Variants in TSPEAR observed in about 807,000 individuals in gnomAD.
The protein encoded by TSPEAR is thrombospondin-type laminin G domain and EAR repeat-containing protein.
In TSPEAR, 69 loss-of-function variants were observed where a neutral mutation model predicts 71.6. The ratio of observed to expected loss-of-function variants is 0.96; its 90% confidence interval spans 0.79 to 1.18. The LOEUF is 1.18. Ranked by LOEUF, TSPEAR falls within the 50% of genes most tolerant of loss-of-function variation. The probability of loss-of-function intolerance (pLI) is 0.00; values close to 1 mark genes in which losing one functional copy is unlikely to be tolerated. For synonymous variants in TSPEAR, 402 were observed against 387.2 expected (o/e 1.04, Z -0.45); for missense variants, 971 against 894.9 (o/e 1.09, Z -1.09).
intron 2 of TSPEAR, among the ~76,000 whole-genome samples, chr21:44,534,351 GGGGCTGGTGTGTGTGGGGCA>G (rs1555916156): frequency 7.5e-5 from 7 of 93,414 alleles, no homozygotes; most frequent in East Asian, 7.4e-4. Context: ...GGTGTGGGGC[GGGGCTGGTGTGTGTGGGGCA>G]GGGCTGGTGT....
At chr21:44,515,782 G>A (rs587739908) in intron 9 of TSPEAR, 6 of 152,324 alleles carry the variant, frequency 3.9e-5, no homozygotes, top group Admixed American at 2.0e-4. Context: ...AACACCTCCC[G>A]ACTGCCTTCC....
chr21:44,506,083 A>G lies in TSPEAR; in HGVS notation c.1755-1202T>C, dbSNP rs1569149831. On this transcript the variant is annotated intron_variant, in intron 10 of 11. Transcript: ENST00000323084. The surrounding 1 kb of genome is among the most constrained non-coding windows in gnomAD (Gnocchi z 4.2). ...CGTGAGGTCACTCCAGGAGGTGCCT[A>G]CAGGACCTGCAGGACCTGCTCGTTC... Among the ~76,000 whole-genome samples, 1 of 152,172 alleles carries G rather than the reference A, an allele frequency of 6.6e-6. No individual in the cohort carries two copies. The highest frequency in any genetic ancestry group is 2.4e-5 in the African/African-American group (1 of 41,436).
At chr21:44,705,044 A>C (rs1326545705) in intron 1 of TSPEAR, among the ~76,000 whole-genome samples, 1 of 152,214 alleles carries the variant, frequency 6.6e-6, no homozygotes, top group Non-Finnish European at 1.5e-5. Context: ...CAGGGACCCC[A>C]AACAGAGAGA....
At chr21:44,579,693 C>G in intron 1 of TSPEAR, 2 of 1,554,188 alleles carry the variant, frequency 1.3e-6, no homozygotes, top group South Asian at 2.4e-5. Flanking sequence ...ACCTCCTAAC[C>G]CGAGTCAGGA....
intron 2 of TSPEAR, among the ~76,000 whole-genome samples, chr21:44,561,552 C>T (rs2071135395): frequency 6.6e-6 from 1 of 152,150 alleles, no homozygotes; most frequent in Admixed American, 6.5e-5. Context: ...GGCCAATATC[C>T]CTGATGAACA....
At chr21:44,668,871 A>G (rs1321972486) in intron 1 of TSPEAR, among the ~76,000 whole-genome samples, 1 of 152,244 alleles carries the variant, frequency 6.6e-6, no homozygotes, top group African/African-American at 2.4e-5. Context: ...ACCTCACACC[A>G]TATACAAAAT....
At chr21:44,620,919 T>C (rs73907074) in intron 1 of TSPEAR, among the ~76,000 whole-genome samples, 4,129 of 152,308 alleles carry the variant, frequency 0.027, 182 homozygotes, top group African/African-American at 0.094. Flanking sequence ...CTTTGACCAA[T>C]TGGTTGTTTG....
Position 44,498,306 on chromosome 21 carries a change from C to T in TSPEAR, c.*1477G>A, listed in dbSNP as rs2051966614. The T allele has an allele frequency of 6.6e-6, 1 of 152,224 alleles. No individual in the cohort carries two copies. Among genetic ancestry groups the T allele is most frequent in the African/African-American group, 2.4e-5 (1 of 41,434 alleles). 9.4% of individuals were successfully genotyped at this position (152,224 alleles called of 1,614,324 possible). On this transcript the variant is annotated 3_prime_UTR_variant, in exon 12 of 12. Coordinates refer to ENST00000323084, the MANE Select transcript of TSPEAR (RefSeq NM_144991.3). ...AATCTTCCTTTCACAGGTGCTGACCCAATGAGGCCAATCATGTGTGATTGG... is the reference window on the plus strand; with the variant it reads ...AATCTTCCTTTCACAGGTGCTGACCTAATGAGGCCAATCATGTGTGATTGG...
chr21:44,702,521 C>CA lies in TSPEAR; in HGVS notation c.82+8911_82+8912insT. ...TGTTGCAAGCCCGTCTGCTGTGTGC[C>CA]TGTCTGCTCTGGGGCTTCCTCCCTG... On this transcript the variant is annotated intron_variant, in intron 1 of 11. Coordinates refer to ENST00000323084, the MANE Select transcript of TSPEAR (RefSeq NM_144991.3). 1.9e-6 allele frequency: 3 copies of CA among 1,608,258 alleles called. No individual in the cohort carries two copies. The South Asian group carries it at 3.3e-5, about 18-fold the overall frequency.
intron 1 of TSPEAR, among the ~76,000 whole-genome samples, chr21:44,570,474 A>G (rs1555922373): frequency 6.6e-6 from 1 of 152,166 alleles, no homozygotes; most frequent in Admixed American, 6.5e-5. Flanking sequence ...TCGGTGAGAC[A>G]TGGGTCCAGA....
At chr21:44,558,615 G>A (rs1468640525) in intron 2 of TSPEAR, 8 of 1,606,172 alleles carry the variant, frequency 5.0e-6, no homozygotes, top group East Asian at 2.2e-5. Context: ...GCAGCAGCTG[G>A]TGGCGCAGCA....
At position 44,695,514 on chromosome 21, in the gene TSPEAR, C is replaced by T. The variant is rs1987296287; in HGVS notation, c.82+15919G>A. Among the ~76,000 whole-genome samples the T allele has an allele frequency of 1.3e-5, 2 of 152,192 alleles. No homozygotes were observed. The highest frequency in any genetic ancestry group is 4.8e-5 in the African/African-American group (2 of 41,442). ...TCACACTCCCTCAGGGTTGCAATGA[C>T]CTCCGATCCCAAGACCCTTTTCCCA... On this transcript the variant is annotated intron_variant, in intron 1 of 11. Transcript: ENST00000323084. The surrounding 1 kb of genome is among the most constrained non-coding windows in gnomAD (Gnocchi z 4.5).
intron 1 of TSPEAR, among the ~76,000 whole-genome samples, chr21:44,653,277 G>A (rs781923085): frequency 4.6e-5 from 7 of 152,182 alleles, no homozygotes; most frequent in Non-Finnish European, 7.3e-5. Context: ...CCCCAAACCC[G>A]GATGTGATTC....
intron 1 of TSPEAR, among the ~76,000 whole-genome samples, chr21:44,645,209 TC>T (rs1984245791): frequency 6.6e-6 from 1 of 152,072 alleles, no homozygotes; most frequent in African/African-American, 2.4e-5. Context: ...ATTGAAATAA[TC>T]CAGAGTGCAG....
intron 1 of TSPEAR, among the ~76,000 whole-genome samples, chr21:44,698,738 G>A (rs1349500202): frequency 1.3e-5 from 2 of 152,210 alleles, no homozygotes; most frequent in African/African-American, 4.8e-5. Flanking sequence ...AGGCTCAGCT[G>A]CCAAACCTCT....
At chr21:44,702,284 C>T (rs183100465) in intron 1 of TSPEAR, 19 of 1,609,000 alleles carry the variant, frequency 1.2e-5, no homozygotes, top group South Asian at 3.3e-5. Flanking sequence ...TGCGAGCCCC[C>T]CTGCTGCGCC....
At chr21:44,598,517 A>G (rs971041313) in intron 1 of TSPEAR, among the ~76,000 whole-genome samples, 4 of 150,508 alleles carry the variant, frequency 2.7e-5, no homozygotes, top group Non-Finnish European at 6.0e-5. Context: ...ATTATTGATT[A>G]TACATTGATT....
rs781965993 is a variant in TSPEAR at position 44,524,670 on chromosome 21, CAGTT to C, written c.1336+979_1336+982del. Reference sequence around the variant, plus strand: ...GTTAGGTAGTTAGTCATCAGTTAGTCAGTTAGGTAATTAGTCAGTCAGCTAGTCA... The same window carrying C: ...GTTAGGTAGTTAGTCATCAGTTAGTCAGGTAATTAGTCAGTCAGCTAGTCA... On this transcript the variant is annotated intron_variant, in intron 8 of 11. Coordinates refer to ENST00000323084, the MANE Select transcript of TSPEAR (RefSeq NM_144991.3). 2.5e-4 allele frequency among the ~76,000 whole-genome samples: 38 copies of C among 149,634 alleles called. No individual in the cohort carries two copies. In the South Asian group the frequency reaches 2.7e-3, roughly 11 times the overall value.
intron 1 of TSPEAR, among the ~76,000 whole-genome samples, chr21:44,700,236 G>T (rs1272275827): frequency 6.6e-6 from 1 of 152,218 alleles, no homozygotes; most frequent in African/African-American, 2.4e-5. Flanking sequence ...TCCAGTCCAG[G>T]GTTCCACCAC....
Sources: allele counts gnomAD v4.1 joint callset (sites outside exome capture counted in the v4.1 genomes callset), GRCh38; gene constraint gnomAD v4.1.1; non-coding constraint Gnocchi (gnomAD v3.1); transcripts MANE v1.5; gene names NCBI Gene and HGNC (gene_info 2026-07-23, HGNC 2026-07-21).